Variants in PCDHA12 observed in about 807,000 individuals in gnomAD.
PCDHA12 encodes protocadherin alpha 12, also known as protocadherin alpha-12.
Under a neutral mutation model 60.0 loss-of-function variants are expected in PCDHA12, and 44 were observed. The ratio of observed to expected loss-of-function variants is 0.73; its 90% CI spans 0.58 to 0.94. The LOEUF is 0.94. Ranked by LOEUF, PCDHA12 falls within the 40% of genes least tolerant of loss-of-function variation. The pLI is 0.00. For missense variants in PCDHA12, 1,276 were observed against 1,239.7 expected (o/e 1.03, Z -0.44); for synonymous variants, 569 against 553.0 (o/e 1.03, Z -0.40).
In PCDHA12 at chr5:141,011,172, A is replaced by G. The variant is rs377766708; in HGVS notation, c.*1235A>G. On this transcript the variant is annotated 3_prime_UTR_variant, in exon 4 of 4. Transcript: ENST00000398631. ...TCTAACCAACTATATATCAAGACCC[A>G]AAAATTGAAGAAAAATATTGTTTTC... 53 of 153,852 alleles carry G rather than the reference A, an allele frequency of 3.4e-4. No individual in the cohort carries two copies. Among genetic ancestry groups the G allele is most frequent in the African/African-American group, 1.2e-3 (51 of 41,568 alleles). 9.5% of individuals were successfully genotyped at this position (153,852 alleles called of 1,614,324 possible).
intron 1 of PCDHA12, among the ~76,000 whole-genome samples, chr5:140,911,285 G>C (rs1292114305): frequency 6.6e-6 from 1 of 152,078 alleles, no homozygotes; most frequent in Non-Finnish European, 1.5e-5. Flanking sequence ...GCTTCATCAG[G>C]GTCCTTTTAC....
At chr5:140,977,126 T>C (rs782356713) in intron 1 of PCDHA12, among the ~76,000 whole-genome samples, 27 of 152,240 alleles carry the variant, frequency 1.8e-4, no homozygotes, top group Admixed American at 4.6e-4. Context: ...GAACTGAGTT[T>C]CCTGGTCAGT....
intron 1 of PCDHA12, among the ~76,000 whole-genome samples, chr5:140,950,272 CT>C (rs373882606): frequency 7.9e-5 from 12 of 151,950 alleles, no homozygotes; most frequent in African/African-American, 2.9e-4. Flanking sequence ...TCCATAATGT[CT>C]TTTTGCTTCA....
intron 1 of PCDHA12, among the ~76,000 whole-genome samples, chr5:140,974,729 G>C (rs1007565470): frequency 2.6e-5 from 4 of 152,032 alleles, no homozygotes; most frequent in African/African-American, 9.7e-5. Flanking sequence ...TCGAACTCCT[G>C]TCTCCACCTT....
chr5:140,925,905 G>A (rs1241819632), intron 1 of PCDHA12, among the ~76,000 whole-genome samples: 1 of 151,822 alleles, frequency 6.6e-6, no homozygotes, highest in Admixed American at 6.6e-5. Flanking sequence ...GATCGTCAAG[G>A]GCCGTTTGCA....
At chr5:140,889,054 T>C in intron 1 of PCDHA12, among the ~76,000 whole-genome samples, 1 of 152,100 alleles carries the variant, frequency 6.6e-6, no homozygotes, top group Non-Finnish European at 1.5e-5. Flanking sequence ...TTTATAATCC[T>C]TTTAATATAC....
At chr5:140,936,351 T>C (rs2090932385) in intron 1 of PCDHA12, among the ~76,000 whole-genome samples, 1 of 152,246 alleles carries the variant, frequency 6.6e-6, no homozygotes, top group African/African-American at 2.4e-5. Flanking sequence ...ATATATGGAA[T>C]GTGTAGCTAC....
At chr5:140,964,841 T>G (rs2095857355) in intron 1 of PCDHA12, among the ~76,000 whole-genome samples, 2 of 152,190 alleles carry the variant, frequency 1.3e-5, no homozygotes, top group Non-Finnish European at 2.9e-5. Context: ...CTTCCTACTC[T>G]GTACCCTTGA....
intron 1 of PCDHA12, among the ~76,000 whole-genome samples, chr5:140,888,049 T>C (rs554327528): frequency 1.3e-5 from 2 of 152,354 alleles, no homozygotes; most frequent in South Asian, 2.1e-4. Context: ...GTATAATAGA[T>C]GTTTTAACTT....
At chr5:140,908,530 T>G (rs1554193400) in intron 1 of PCDHA12, among the ~76,000 whole-genome samples, 1 of 152,148 alleles carries the variant, frequency 6.6e-6, no homozygotes, top group African/African-American at 2.4e-5. Flanking sequence ...AATGTTCAGT[T>G]TCCACCAAAG....
intron 1 of PCDHA12, chr5:140,881,365 T>G (rs1216010175): frequency 2.0e-6 from 2 of 985,144 alleles, no homozygotes; most frequent in Non-Finnish European, 2.4e-6. Context: ...GGCTTTCGTA[T>G]GAATTGCAGC....
intron 1 of PCDHA12, among the ~76,000 whole-genome samples, chr5:140,945,003 C>A (rs2093723763): frequency 6.6e-6 from 1 of 152,064 alleles, no homozygotes; most frequent in South Asian, 2.1e-4. Flanking sequence ...GGTTGTGGGT[C>A]ATGAATTATT....
At chr5:140,928,624 C>T (rs782032190) in intron 1 of PCDHA12, 1 of 1,614,242 alleles carries the variant, frequency 6.2e-7, no homozygotes, top group Non-Finnish European at 8.5e-7. Context: ...CAGGACTGGA[C>T]ACTTGGTCAC....
chr5:140,990,686 G>A (rs1391341936), intron 3 of PCDHA12, among the ~76,000 whole-genome samples: 1 of 152,124 alleles, frequency 6.6e-6, no homozygotes, highest in Admixed American at 6.5e-5. Context: ...AGCTGCTTTC[G>A]GAGAGTCCAG....
chr5:140,926,890 A>C, intron 1 of PCDHA12: 2 of 1,543,874 alleles, frequency 1.3e-6, no homozygotes, highest in Non-Finnish European at 1.7e-6. Context: ...GCCTAGAGGG[A>C]GGATGGTGGG....
In PCDHA12 at chr5:140,876,558, T is replaced by C; in HGVS notation, c.1086T>C (p.Asp362=). Residue 362 remains aspartate (D), a synonymous_variant, in exon 1 of 4, where the codon GAT becomes GAC. Transcript: ENST00000398631. The stretch of plus-strand genomic sequence containing the variant: ...CACTGTCGCTCCCTGTGCAAGAGGA[T>C]GCTCAGGTGGGTACCGTCATTGCCC... The part of the protein sequence containing the change: ...VTSLSLPVQE[D]AQVGTVIALI... 1 of 1,614,216 alleles carries C rather than the reference T, an allele frequency of 6.2e-7. No homozygotes were observed. Among genetic ancestry groups the C allele is most frequent in the Non-Finnish European group, 8.5e-7 (1 of 1,180,040 alleles).
Position 140,967,255 on chromosome 5 carries a change from T to C in PCDHA12, c.2368-11694T>C, listed in dbSNP as rs202164321. ...TTCAGGTAAGCGAATCGGTGGCGCC[T>C]GGAGCGCGCTTTCACATAGAGAGTG... On this transcript the variant is annotated intron_variant, in intron 1 of 3. Coordinates refer to ENST00000398631, the MANE Select transcript of PCDHA12 (RefSeq NM_018903.4). The C allele has an allele frequency of 1.8e-4, 297 of 1,613,460 alleles. 1 individual carries two copies. The East Asian group carries it at 6.5e-3, about 35-fold the overall frequency.
intron 3 of PCDHA12, among the ~76,000 whole-genome samples, chr5:141,000,385 C>CAA (rs1399640915): frequency 2.3e-4 from 15 of 64,992 alleles, no homozygotes; most frequent in African/African-American, 9.7e-4. Context: ...CTCTCTCTCT[C>CAA]TCTCTCTCTC....
At chr5:140,951,737 C>T (rs1223539805) in intron 1 of PCDHA12, among the ~76,000 whole-genome samples, 1 of 152,130 alleles carries the variant, frequency 6.6e-6, no homozygotes, top group Non-Finnish European at 1.5e-5. Context: ...CATTCTGCCA[C>T]TGCCCTCACC....
Sources: allele counts gnomAD v4.1 joint callset (sites outside exome capture counted in the v4.1 genomes callset), GRCh38; gene constraint gnomAD v4.1.1; transcripts MANE v1.5; gene names NCBI Gene and HGNC (gene_info 2026-07-23, HGNC 2026-07-21).